The following MVB12B variants were observed in gnomAD, a reference collection of about 807,000 sequenced individuals.
MVB12B encodes multivesicular body subunit 12B, also known as ESCRT-I complex subunit MVB12B.
Under a neutral mutation model 41.6 loss-of-function variants are expected in MVB12B, and 16 were observed. The observed-to-expected ratio is 0.38, with a 90% CI of 0.26 to 0.58. The LOEUF (loss-of-function observed/expected upper bound fraction) is 0.58. MVB12B is among the 20% of genes least tolerant of loss of function. The probability of loss-of-function intolerance (pLI) is 0.62; values close to 1 mark genes in which losing one functional copy is unlikely to be tolerated. For missense variants in MVB12B, 274 were observed against 380.2 expected, an observed-to-expected ratio of 0.72 and a Z score of 2.32; for synonymous variants, 133 against 139.7, an observed-to-expected ratio of 0.95 and a Z score of 0.34.
At chr9:126,462,114 A>T (rs919393084) in intron 7 of MVB12B, among the ~76,000 whole-genome samples, 1 of 152,252 alleles carries the variant, frequency 6.6e-6, no homozygotes, top group African/African-American at 2.4e-5. Context: ...CTATCAAGTC[A>T]TTAATGTGTC....
chr9:126,371,950 A>G (rs1830352222), intron 2 of MVB12B, among the ~76,000 whole-genome samples: 1 of 152,170 alleles, frequency 6.6e-6, no homozygotes, highest in African/African-American at 2.4e-5. Flanking sequence ...GTATAGCCAC[A>G]GATTTGCACA....
chr9:126,462,343 G>A (rs1202341505), intron 7 of MVB12B, among the ~76,000 whole-genome samples: 3 of 152,168 alleles, frequency 2.0e-5, no homozygotes, highest in Non-Finnish European at 4.4e-5. Context: ...GGAGATAGCC[G>A]AAGTGTCACA....
At chr9:126,496,889 G>A (rs1833847506) in intron 9 of MVB12B, among the ~76,000 whole-genome samples, 1 of 152,116 alleles carries the variant, frequency 6.6e-6, no homozygotes, top group Non-Finnish European at 1.5e-5. Flanking sequence ...CTGTCCCCCA[G>A]GGGACAGGCA....
chr9:126,334,215 C>G (rs910991110), intron 1 of MVB12B, among the ~76,000 whole-genome samples: 3 of 152,054 alleles, frequency 2.0e-5, no homozygotes, highest in African/African-American at 7.2e-5. Context: ...TCTTAGAGAC[C>G]GGGAATGTAG....
intron 6 of MVB12B, among the ~76,000 whole-genome samples, chr9:126,411,201 C>T (rs979915495): frequency 1.3e-5 from 2 of 152,178 alleles, no homozygotes; most frequent in African/African-American, 2.4e-5. Context: ...CTTTTTCATG[C>T]CACTGTTTTA....
intron 7 of MVB12B, among the ~76,000 whole-genome samples, chr9:126,423,683 A>G (rs1328249710): frequency 1.3e-5 from 2 of 152,182 alleles, no homozygotes; most frequent in Non-Finnish European, 1.5e-5. Flanking sequence ...AATACCCTGC[A>G]GGACCTGCTG....
At chr9:126,397,447 C>T in intron 6 of MVB12B, 10 of 985,444 alleles carry the variant, frequency 1.0e-5, no homozygotes, top group Non-Finnish European at 1.2e-5. Flanking sequence ...ATCACCTCTG[C>T]TGTACAGTTT....
At chr9:126,363,838 C>T (rs1830091870) in intron 2 of MVB12B, among the ~76,000 whole-genome samples, 1 of 152,204 alleles carries the variant, frequency 6.6e-6, no homozygotes, top group South Asian at 2.1e-4. Flanking sequence ...CATTCCTCTC[C>T]CTGTGGAATT....
At position 126,391,540 on chromosome 9, in the gene MVB12B, C is replaced by T. The variant is rs1033096006; in HGVS notation, c.410-526C>T. The stretch of plus-strand genomic sequence containing the variant: ...TACTGAGGTATTGATGGTGACATAA[C>T]GTAGTGTCGTCAGGGATTCATTTTA... On this transcript the variant is annotated intron_variant, in intron 4 of 9. Transcript: ENST00000361171. The surrounding 1 kb of genome is among the most constrained non-coding windows in gnomAD (Gnocchi z 4.4). Among the ~76,000 whole-genome samples the T allele has an allele frequency of 3.9e-5, 6 of 152,138 alleles. No individual in the cohort carries two copies. Among genetic ancestry groups the T allele is most frequent in the African/African-American group, 1.2e-4 (5 of 41,420 alleles).
At chr9:126,408,180 T>TA (rs1831501564) in intron 6 of MVB12B, 1 of 152,202 alleles carries the variant, frequency 6.6e-6, no homozygotes, top group Non-Finnish European at 1.5e-5. Flanking sequence ...TAAGCGTTAT[T>TA]AGCCTAATGA....
intron 1 of MVB12B, among the ~76,000 whole-genome samples, chr9:126,330,988 A>G (rs1829114810): frequency 6.6e-6 from 1 of 152,124 alleles, no homozygotes; most frequent in Non-Finnish European, 1.5e-5. Flanking sequence ...TATGTGGACC[A>G]TATTTTGTTC....
chr9:126,494,366 T>C (rs929028306), intron 9 of MVB12B, among the ~76,000 whole-genome samples: 9 of 152,194 alleles, frequency 5.9e-5, no homozygotes, highest in African/African-American at 1.4e-4. Context: ...CTTGTTCCCG[T>C]GGTGGCCCAA....
At chr9:126,484,274 G>A (rs1347586781) in intron 9 of MVB12B, among the ~76,000 whole-genome samples, 2 of 152,268 alleles carry the variant, frequency 1.3e-5, no homozygotes, top group Non-Finnish European at 2.9e-5. Flanking sequence ...AAGTCAGAAT[G>A]TTTTACATGA....
intron 5 of MVB12B, among the ~76,000 whole-genome samples, chr9:126,393,712 C>A (rs183582237): frequency 6.6e-6 from 1 of 152,344 alleles, no homozygotes; most frequent in Non-Finnish European, 1.5e-5. Context: ...CAACTGAAAT[C>A]CAGGTGTGCA....
intron 6 of MVB12B, among the ~76,000 whole-genome samples, chr9:126,413,511 A>G (rs758971): frequency 0.21 from 32,585 of 152,188 alleles, 3,524 homozygotes; most frequent in East Asian, 0.28. Context: ...AAAGGGAAGA[A>G]TAAATGCTGG....
intron 7 of MVB12B, among the ~76,000 whole-genome samples, chr9:126,433,923 G>A (rs1377806036): frequency 6.6e-6 from 1 of 152,138 alleles, no homozygotes; most frequent in Admixed American, 6.5e-5. Context: ...AACTCTCGAT[G>A]GCCTGCTAAG....
intron 9 of MVB12B, among the ~76,000 whole-genome samples, chr9:126,500,320 A>C (rs563603221): frequency 1.3e-5 from 2 of 152,272 alleles, no homozygotes; most frequent in African/African-American, 4.8e-5. Flanking sequence ...TCGCGTTTGC[A>C]GGCATCTCCC....
intron 7 of MVB12B, among the ~76,000 whole-genome samples, chr9:126,449,872 TAAGG>T (rs1379251882): frequency 6.6e-6 from 1 of 152,206 alleles, no homozygotes; most frequent in East Asian, 1.9e-4. Flanking sequence ...ATTTTACAAA[TAAGG>T]AACCGAGATT....
Position 126,434,735 on chromosome 9 carries a change from A to G in MVB12B, c.757+12787A>G, listed in dbSNP as rs568782590. On this transcript the variant is annotated intron_variant, in intron 7 of 9. Transcript: ENST00000361171. ...TGCCAAAGGTGGTAGTGCCTTTTGT[A>G]GGCCCAAGACGTAGCTTCTTTGGCC... is the stretch of plus-strand genomic sequence containing the variant. Among the ~76,000 whole-genome samples, 3 of 152,340 alleles carry G rather than the reference A, an allele frequency of 2.0e-5. No individual in the cohort carries two copies. In the East Asian group the frequency reaches 5.8e-4, roughly 29 times the overall value.
Sources: allele counts gnomAD v4.1 joint callset (sites outside exome capture counted in the v4.1 genomes callset), GRCh38; gene constraint gnomAD v4.1.1; non-coding constraint Gnocchi (gnomAD v3.1); transcripts MANE v1.5; gene names NCBI Gene and HGNC (gene_info 2026-07-23, HGNC 2026-07-21).